The following ANKRD11 variants were observed in gnomAD, a reference collection of about 807,000 sequenced individuals.
ANKRD11 encodes ankyrin repeat domain-containing protein 11.
ANKRD11 carries 17 observed loss-of-function variants against 195.7 expected under a neutral mutation model. That is an observed-to-expected ratio of 0.09 (90% CI 0.06 to 0.13). ANKRD11 has a LOEUF of 0.13. ANKRD11 is among the 10% of genes least tolerant of loss of function. The pLI is 1.00. For missense variants in ANKRD11, 3,735 were observed against 3,566.1 expected (o/e 1.05, Z -1.21); for synonymous variants, 1,953 against 1,528.1 (o/e 1.28, Z -6.49).
intron 3 of ANKRD11, among the ~76,000 whole-genome samples, chr16:89,308,131 G>A (rs958805082): frequency 6.6e-6 from 1 of 152,166 alleles, no homozygotes; most frequent in Non-Finnish European, 1.5e-5. Context: ...CCTGATGAGG[G>A]CATTCTATGA....
intron 1 of ANKRD11, among the ~76,000 whole-genome samples, chr16:89,468,722 C>G (rs576579255): frequency 2.6e-5 from 4 of 152,040 alleles, no homozygotes; most frequent in Admixed American, 6.5e-5. Flanking sequence ...AAAAGAAGGA[C>G]GAAGCAAAAG....
chr16:89,426,107 GGCATCC>G (rs1228242821), intron 1 of ANKRD11, among the ~76,000 whole-genome samples: 1 of 152,116 alleles, frequency 6.6e-6, no homozygotes, highest in African/African-American at 2.4e-5. Context: ...CCTCAGAGGA[GGCATCC>G]GACTCCTGCC....
intron 1 of ANKRD11, among the ~76,000 whole-genome samples, chr16:89,426,398 C>T (rs1005355633): frequency 5.3e-5 from 8 of 152,044 alleles, no homozygotes; most frequent in Admixed American, 6.5e-5. Context: ...GCAGGAGGCC[C>T]GGCTCCACAA....
chr16:89,270,520 C>T (rs553678242), intron 12 of ANKRD11: 11 of 455,174 alleles, frequency 2.4e-5, no homozygotes, highest in South Asian at 1.9e-4. Flanking sequence ...TTAGAGGGGG[C>T]TCACAGGGCA....
chr16:89,288,352 G>C (rs1025085818), intron 7 of ANKRD11, 176 bp downstream of exon 7: 15 of 1,055,416 alleles, frequency 1.4e-5, no homozygotes, highest in East Asian at 2.6e-5. Flanking sequence ...GGCTGACCCA[G>C]AAGGGGAAAG....
intron 1 of ANKRD11, among the ~76,000 whole-genome samples, chr16:89,452,059 G>C (rs905917022): frequency 6.6e-5 from 10 of 152,018 alleles, no homozygotes; most frequent in African/African-American, 2.4e-4. Flanking sequence ...AGGAGTTCAA[G>C]ACCAGCCTGG....
chr16:89,385,675 G>A (rs769839983), intron 2 of ANKRD11, among the ~76,000 whole-genome samples: 4 of 152,328 alleles, frequency 2.6e-5, no homozygotes, highest in South Asian at 2.1e-4. Context: ...TCAAAACTAC[G>A]AATTCACTTT....
At position 89,279,531 on chromosome 16, in the gene ANKRD11, G is replaced by A. The variant is rs1189138160; in HGVS notation, c.7011C>T (p.Thr2337=). ...TCGCGAGCATCTGCGCCCGGTTCCTGGTCATGCGCTGAGGGATCTCCTCCA... is the reference window on the plus strand; with the variant it reads ...TCGCGAGCATCTGCGCCCGGTTCCTAGTCATGCGCTGAGGGATCTCCTCCA... The part of the protein sequence containing the change: ...PRVEEIPQRM[T]RNRAQMLANQ... The change falls in exon 9 of 13, where the codon ACC becomes ACT. Residue 2337 remains threonine (T), a synonymous_variant. Transcript: ENST00000301030. The surrounding 1 kb of genome is among the most constrained non-coding windows in gnomAD (Gnocchi z 5.6). 1 of 1,394,404 alleles carries A rather than the reference G, an allele frequency of 7.2e-7. No homozygotes were observed. The allele number at this position is 1,394,404 out of a possible 1,614,324, so 86.4% of individuals were successfully genotyped here. A position where few individuals can be genotyped will look rare whatever the true frequency, so the allele number is the denominator to read the frequency against.
At chr16:89,426,311 T>C (rs571953461) in intron 1 of ANKRD11, among the ~76,000 whole-genome samples, 16 of 151,954 alleles carry the variant, frequency 1.1e-4, no homozygotes, top group African/African-American at 3.9e-4. Flanking sequence ...AAGCCAACAG[T>C]GAAAACAGCC....
At chr16:89,301,009 A>G in intron 4 of ANKRD11, 1 of 626,544 alleles carries the variant, frequency 1.6e-6, no homozygotes, top group Non-Finnish European at 2.9e-6. Flanking sequence ...AAGGCGCAGG[A>G]GAAACAGCGG....
At chr16:89,398,636 G>A (rs2041565534) in intron 2 of ANKRD11, among the ~76,000 whole-genome samples, 1 of 152,106 alleles carries the variant, frequency 6.6e-6, no homozygotes, top group South Asian at 2.1e-4. Context: ...CAGATACTCA[G>A]GGGGCTGAGG....
intron 1 of ANKRD11, among the ~76,000 whole-genome samples, chr16:89,427,335 C>G (rs981490007): frequency 5.9e-5 from 9 of 152,112 alleles, no homozygotes; most frequent in African/African-American, 2.2e-4. Context: ...ACAGCAACAC[C>G]CCCCAGGGTG....
In ANKRD11 at chr16:89,283,048, C is replaced by T; in HGVS notation, c.3494G>A (p.Arg1165Lys). 6.2e-7 allele frequency: 1 copy of T among 1,613,908 alleles called. No homozygotes were observed. Reference protein sequence around the residue: ...GREAYASDRHRKSSDKQHPER... With the variant: ...GREAYASDRHKKSSDKQHPER... ...AGGGTGCTGCTTGTCAGAAGACTTC[C>T]TGTGTCTGTCGGAGGCATAGGCCTC... Residue 1165 changes from arginine (R) to lysine (K), a missense_variant, in exon 9 of 13, where the codon AGG becomes AAG. By Grantham distance (26) the Arg-to-Lys change is conservative. Coordinates refer to ENST00000301030, the MANE Select transcript of ANKRD11 (RefSeq NM_013275.6). This position sits in a 1 kb window ranked among gnomAD's most constrained non-coding sequence, Gnocchi z 4.3.
intron 2 of ANKRD11, among the ~76,000 whole-genome samples, chr16:89,387,288 C>G (rs778068573): frequency 7.9e-5 from 12 of 151,420 alleles, no homozygotes; most frequent in Non-Finnish European, 1.2e-4. Flanking sequence ...GCCCCTCGAA[C>G]AGAAGGAAGG....
chr16:89,310,524 A>C (rs909651977), intron 3 of ANKRD11, among the ~76,000 whole-genome samples: 5 of 152,214 alleles, frequency 3.3e-5, no homozygotes, highest in Admixed American at 6.5e-5. Context: ...CTGTACATCA[A>C]TGTGGAGAGA....
chr16:89,388,669 G>A (rs1166778995), intron 2 of ANKRD11, among the ~76,000 whole-genome samples: 1 of 152,176 alleles, frequency 6.6e-6, no homozygotes, highest in Admixed American at 6.5e-5. Context: ...GCGATGAGCC[G>A]GGGACCCCCT....
chr16:89,283,662 C>A lies in ANKRD11; in HGVS notation c.2880G>T (p.Glu960Asp), dbSNP rs201826191. Residue 960 changes from glutamate (E) to aspartate (D), a missense_variant, in exon 9 of 13, where the codon GAG becomes GAT. Coordinates refer to ENST00000301030, the MANE Select transcript of ANKRD11 (RefSeq NM_013275.6). The surrounding 1 kb of genome is among the most constrained non-coding windows in gnomAD (Gnocchi z 4.3). The stretch of plus-strand genomic sequence containing the variant: ...CGGGCTTGGCCCTGCCGTCCCTGCG[C>A]TCCTTGCAGCTCTCCAGGGCGTCCT... Reference protein sequence around the residue: ...DRKDALESCKERRDGRAKPEE... With the variant: ...DRKDALESCKDRRDGRAKPEE... The A allele has an allele frequency of 6.2e-7, 1 of 1,612,080 alleles. No homozygotes were observed. Among genetic ancestry groups the A allele is most frequent in the South Asian group, 1.1e-5 (1 of 91,082 alleles).
chr16:89,340,807 C>A (rs1232266612), intron 2 of ANKRD11, among the ~76,000 whole-genome samples: 2 of 152,172 alleles, frequency 1.3e-5, no homozygotes, highest in African/African-American at 4.8e-5. Context: ...AGAAATCACA[C>A]AGAAAATGTA....
intron 4 of ANKRD11, among the ~76,000 whole-genome samples, chr16:89,295,862 G>A (rs550923629): frequency 2.5e-5 from 1 of 39,902 alleles, no homozygotes; most frequent in African/African-American, 1.4e-4. Flanking sequence ...GGTGCTCTGT[G>A]CAGGTGGGAT....
Sources: allele counts gnomAD v4.1 joint callset (sites outside exome capture counted in the v4.1 genomes callset), GRCh38; gene constraint gnomAD v4.1.1; non-coding constraint Gnocchi (gnomAD v3.1); transcripts MANE v1.5; gene names NCBI Gene and HGNC (gene_info 2026-07-23, HGNC 2026-07-21).